Variants in LYRM7 observed in about 807,000 individuals in gnomAD.
LYRM7 encodes the protein LYR motif containing 7.
Under a neutral mutation model 15.8 loss-of-function variants are expected in LYRM7, and 9 were observed. That is an observed-to-expected ratio of 0.57 (90% CI 0.34 to 0.99). The LOEUF (loss-of-function observed/expected upper bound fraction) is 0.99, where lower values mean the gene tolerates loss of function less well. Among genes scored for constraint, LYRM7 ranks in the 50% least tolerant of loss-of-function variants. The pLI, the probability that LYRM7 is intolerant of heterozygous loss-of-function variation, is 0.02. For synonymous variants in LYRM7, 39 were observed against 39.4 expected, an observed-to-expected ratio of 0.99 and a Z score of 0.04; for missense variants, 115 against 119.1, an observed-to-expected ratio of 0.97 and a Z score of 0.16.
Position 131,199,578 on chromosome 5 carries a change from G to T in LYRM7, c.292G>T (p.Asp98Tyr). ...DLLVENVPYC[D>Y]APTQKQ Reference sequence around the variant, plus strand: ...TCTTGTAGAAAATGTGCCATATTGTGATGCACCAACTCAGAAGCAATGAGT... The same window carrying T: ...TCTTGTAGAAAATGTGCCATATTGTTATGCACCAACTCAGAAGCAATGAGT... Residue 98 changes from aspartate to tyrosine, a missense_variant, in exon 5 of 5, where the codon GAT becomes TAT. Transcript: ENST00000379380. 1 of 1,603,506 alleles carries T rather than the reference G, an allele frequency of 6.2e-7. No individual in the cohort carries two copies. Among genetic ancestry groups the T allele is most frequent in the South Asian group, 1.1e-5 (1 of 88,686 alleles).
rs530677384 is a variant in LYRM7, at chr5:131,173,698, G to A, written c.18+2660G>A. ...CAGGAGGCAGAGGCTGCAGTGAGCCGAGATCGCACCATTGCACTCCAGCCT... is the reference window on the plus strand; with the variant it reads ...CAGGAGGCAGAGGCTGCAGTGAGCCAAGATCGCACCATTGCACTCCAGCCT... On this transcript the variant is annotated intron_variant, in intron 1 of 4. Transcript: ENST00000379380. Among the ~76,000 whole-genome samples the A allele has an allele frequency of 1.2e-3, 178 of 152,280 alleles. No homozygotes were observed. In the Middle Eastern group the frequency reaches 0.031, roughly 26 times the overall value.
rs1176462187 is a variant in LYRM7, at chr5:131,200,225, G to A, written c.*624G>A. ...TGAATAAAATATTATAGTCACCTAG[G>A]GTCACTATGGAATAAAGAAATCCTA... On this transcript the variant is annotated 3_prime_UTR_variant, in exon 5 of 5. Transcript: ENST00000379380. 6.6e-6 allele frequency: 1 copy of A among 152,206 alleles called. No individual in the cohort carries two copies. The highest frequency in any genetic ancestry group is 1.5e-5 in the Non-Finnish European group (1 of 68,002). The allele number at this position is 152,206 out of a possible 1,614,324, so 9.4% of individuals were successfully genotyped here. A position where few individuals can be genotyped will look rare whatever the true frequency, so the allele number is the denominator to read the frequency against.
intron 1 of LYRM7, among the ~76,000 whole-genome samples, 163 bp downstream of exon 1, chr5:131,171,201 TGAG>T (rs1755516907): frequency 7.2e-6 from 1 of 138,330 alleles, no homozygotes; most frequent in Admixed American, 6.7e-5. Flanking sequence ...TAGGGGCAGT[TGAG>T]GGTTTGTGCA....
At chr5:131,193,248 T>C (rs1755912894) in intron 4 of LYRM7, among the ~76,000 whole-genome samples, 1 of 152,228 alleles carries the variant, frequency 6.6e-6, no homozygotes, top group Admixed American at 6.5e-5. Flanking sequence ...CAACAAACAT[T>C]GAATCGCTGT....
At chr5:131,187,469 G>GT (rs992300287) in intron 4 of LYRM7, among the ~76,000 whole-genome samples, 1 of 146,886 alleles carries the variant, frequency 6.8e-6, no homozygotes, top group South Asian at 2.2e-4. Context: ...TTTGTTTTTT[G>GT]TTTTTTTGTT....
chr5:131,188,313 T>C (rs180859261), intron 4 of LYRM7, among the ~76,000 whole-genome samples: 115 of 148,090 alleles, frequency 7.8e-4, no homozygotes, highest in African/African-American at 2.8e-3. Context: ...AAGTATAACA[T>C]ACAAACAAAA....
intron 3 of LYRM7, among the ~76,000 whole-genome samples, chr5:131,185,000 A>G (rs1467436538): frequency 6.6e-6 from 1 of 152,136 alleles, no homozygotes; most frequent in Non-Finnish European, 1.5e-5. Context: ...TCAAAATATT[A>G]ATATATACAG....
In LYRM7 at chr5:131,187,075, T is replaced by G; in HGVS notation, c.210T>G (p.Val70=). 1 of 1,563,898 alleles carries G rather than the reference T, an allele frequency of 6.4e-7. No individual in the cohort carries two copies. Among genetic ancestry groups the G allele is most frequent in the South Asian group, 1.2e-5 (1 of 85,634 alleles). The change falls in exon 4 of 5, where the codon GTT becomes GTG. Residue 70 remains valine (V), a synonymous_variant. Transcript: ENST00000379380. ...TTGAATTATTACTCAGAACATCTGT[T>G]ATACAAGGTATTCACACAGACCACA... ...SDVELLLRTS[V]IQGIHTDHNT... is the part of the protein sequence containing the mutation.
chr5:131,180,242 T>TTTG, intron 2 of LYRM7, 75 bp downstream of exon 2: 1 of 1,009,838 alleles, frequency 9.9e-7, no homozygotes, highest in Non-Finnish European at 1.5e-6. Context: ...AAACCCTGTG[T>TTTG]GGTCAAGACC....
chr5:131,185,262 A>G (rs1755779489), intron 3 of LYRM7, among the ~76,000 whole-genome samples: 2 of 152,292 alleles, frequency 1.3e-5, no homozygotes, highest in East Asian at 1.9e-4. Context: ...CATGACCTAC[A>G]AGACTGTCAT....
At chr5:131,193,097 G>A (rs558547491) in intron 4 of LYRM7, among the ~76,000 whole-genome samples, 61 of 152,072 alleles carry the variant, frequency 4.0e-4, no homozygotes, top group African/African-American at 1.4e-3. Context: ...ACTTCTAAAC[G>A]AACGATACAG....
chr5:131,172,212 G>A (rs1327374463), intron 1 of LYRM7, among the ~76,000 whole-genome samples: 1 of 152,132 alleles, frequency 6.6e-6, no homozygotes, highest in Non-Finnish European at 1.5e-5. Context: ...TCGAGAGTTC[G>A]AGACCAGCCT....
intron 4 of LYRM7, among the ~76,000 whole-genome samples, chr5:131,189,487 C>G (rs1300960227): frequency 2.4e-5 from 3 of 126,496 alleles, no homozygotes; most frequent in East Asian, 2.7e-4. Context: ...ATTGTTTGAT[C>G]TTTTCCATTT....
rs1276757878 is a variant in LYRM7 at position 131,200,301 on chromosome 5, G to A, written c.*700G>A. On this transcript the variant is annotated 3_prime_UTR_variant, in exon 5 of 5. Transcript: ENST00000379380. ...GATCAAACTATTTAATATGGCCTTA[G>A]TAGAATTAGCTGTATTTAGACAAAG... is the stretch of plus-strand genomic sequence containing the variant. 2 of 152,288 alleles carry A rather than the reference G, an allele frequency of 1.3e-5. No individual in the cohort carries two copies. The highest frequency in any genetic ancestry group is 2.4e-5 in the African/African-American group (1 of 41,438). The allele number at this position is 152,288 out of a possible 1,614,324, so 9.4% of individuals were successfully genotyped here. A position where few individuals can be genotyped will look rare whatever the true frequency, so the allele number is the denominator to read the frequency against.
chr5:131,193,563 A>G (rs1580699740), intron 4 of LYRM7, among the ~76,000 whole-genome samples: 2 of 152,202 alleles, frequency 1.3e-5, no homozygotes, highest in South Asian at 4.1e-4. Flanking sequence ...TTCAGTGTGA[A>G]ATATTTTAAT....
chr5:131,201,229 A>G lies in LYRM7; in HGVS notation c.*1628A>G, dbSNP rs9687739. On this transcript the variant is annotated 3_prime_UTR_variant, in exon 5 of 5. Transcript: ENST00000379380. The stretch of plus-strand genomic sequence containing the variant: ...CTCGGGAGGCTGAGGCAGGAAAATC[A>G]CTTGAACCCGGGAGGTGGAGGTTGC... 25,907 of 149,082 alleles carry G rather than the reference A, an allele frequency of 0.17. 2,543 individuals are homozygous for G. The highest frequency in any genetic ancestry group is 0.27 in the African/African-American group (10,976 of 40,458). The allele number at this position is 149,082 out of a possible 1,614,324, so 9.2% of individuals were successfully genotyped here. A position where few individuals can be genotyped will look rare whatever the true frequency, so the allele number is the denominator to read the frequency against.
intron 4 of LYRM7, among the ~76,000 whole-genome samples, chr5:131,189,379 C>T (rs1016988483): frequency 1.6e-5 from 2 of 124,978 alleles, no homozygotes; most frequent in African/African-American, 6.1e-5. Flanking sequence ...GGAGGCGGAG[C>T]TTGCAGTGAG....
chr5:131,205,321 T>C lies in LYRM7; in HGVS notation c.*5720T>C, dbSNP rs570282531. 6.6e-6 allele frequency: 1 copy of C among 152,370 alleles called. No individual in the cohort carries two copies. The highest frequency in any genetic ancestry group is 2.4e-5 in the African/African-American group (1 of 41,598). 9.4% of individuals were successfully genotyped at this position (152,370 alleles called of 1,614,324 possible). ...TATGCTCCATGTATTCTGCAACTTT[T>C]CATCATACATTAGGTTTTGGCGATT... On this transcript the variant is annotated 3_prime_UTR_variant, in exon 5 of 5. Coordinates refer to ENST00000379380, the MANE Select transcript of LYRM7 (RefSeq NM_181705.4).
Position 131,195,947 on chromosome 5 carries a change from C to A in LYRM7, c.245-3584C>A, listed in dbSNP as rs114049894. 6.6e-3 allele frequency among the ~76,000 whole-genome samples: 1,009 copies of A among 152,198 alleles called. 17 individuals carry two copies. The highest frequency in any genetic ancestry group is 0.023 in the African/African-American group (956 of 41,508). On this transcript the variant is annotated intron_variant, in intron 4 of 4. Coordinates refer to ENST00000379380, the MANE Select transcript of LYRM7 (RefSeq NM_181705.4). ...CAGCAGGACCTAATGGAAACACTAGCACTGTAACCAAACATCCTTGATTTC... is the reference window on the plus strand; with the variant it reads ...CAGCAGGACCTAATGGAAACACTAGAACTGTAACCAAACATCCTTGATTTC...
Sources: allele counts gnomAD v4.1 joint callset (sites outside exome capture counted in the v4.1 genomes callset), GRCh38; gene constraint gnomAD v4.1.1; transcripts MANE v1.5; gene names NCBI Gene and HGNC (gene_info 2026-07-23, HGNC 2026-07-21).